Variants in CTTN observed in about 807,000 individuals in gnomAD.
CTTN encodes src substrate cortactin.
CTTN carries 28 observed loss-of-function variants against 84.0 expected under a neutral mutation model. That is an observed-to-expected ratio of 0.33 (90% CI 0.25 to 0.46). The LOEUF is 0.46. Among genes scored for constraint, CTTN ranks in the 20% least tolerant of loss-of-function variants. CTTN has a pLI of 1.00. For missense variants in CTTN, 641 were observed against 723.8 expected (o/e 0.89, Z 1.31); for synonymous variants, 301 against 288.8 (o/e 1.04, Z -0.43).
At chr11:70,406,477 A>G (rs953694869) in intron 2 of CTTN, among the ~76,000 whole-genome samples, 1 of 151,806 alleles carries the variant, frequency 6.6e-6, no homozygotes, top group Non-Finnish European at 1.5e-5. Flanking sequence ...TAATTGTATT[A>G]CTATTTCTGT....
rs2058405133 is a variant in CTTN at position 70,435,300 on chromosome 11, C to G, written c.*138C>G. Reference sequence around the variant, plus strand: ...TTTTGAAGGTGGGGAGGGGAATATACACATTGCTTTTATATTTAATACTTT... The same window carrying G: ...TTTTGAAGGTGGGGAGGGGAATATAGACATTGCTTTTATATTTAATACTTT... On this transcript the variant is annotated 3_prime_UTR_variant, in exon 18 of 18. Coordinates refer to ENST00000301843, the MANE Select transcript of CTTN (RefSeq NM_005231.4). 4.4e-6 allele frequency: 2 copies of G among 455,616 alleles called. No individual in the cohort carries two copies. Among genetic ancestry groups the G allele is most frequent in the South Asian group, 5.0e-5 (2 of 40,144 alleles). 28.2% of individuals were successfully genotyped at this position (455,616 alleles called of 1,614,324 possible).
chr11:70,428,381 G>A (rs779772363), intron 13 of CTTN, among the ~76,000 whole-genome samples: 6 of 151,802 alleles, frequency 4.0e-5, no homozygotes, highest in African/African-American at 1.2e-4. Context: ...GGCCAGGATG[G>A]TCTTGATCTC....
intron 5 of CTTN, among the ~76,000 whole-genome samples, chr11:70,412,468 G>C (rs76241088): frequency 2.6e-5 from 4 of 151,972 alleles, no homozygotes; most frequent in African/African-American, 4.8e-5. Context: ...AAGGGGAAAC[G>C]GCTTAAGTTA....
intron 8 of CTTN, among the ~76,000 whole-genome samples, chr11:70,417,717 A>C (rs1239435835): frequency 1.3e-5 from 2 of 151,972 alleles, no homozygotes; most frequent in Non-Finnish European, 2.9e-5. Flanking sequence ...GCTGGTCTTG[A>C]ATTCCTGACC....
rs190247483 is a variant in CTTN, at chr11:70,400,134, A to C, written c.-98+1520A>C. On this transcript the variant is annotated intron_variant, in intron 1 of 17. Coordinates refer to ENST00000301843, the MANE Select transcript of CTTN (RefSeq NM_005231.4). ...TTTTGATATTAGGTCCCCTAGAACT[A>C]GAAGCTAACCTTCTGCTATATCTTA... Among the ~76,000 whole-genome samples, 56 of 152,350 alleles carry C rather than the reference A, an allele frequency of 3.7e-4. 1 individual carries two copies. In the East Asian group the frequency reaches 0.011, roughly 29 times the overall value.
At position 70,429,113 on chromosome 11, in the gene CTTN, G is replaced by A. The variant is rs984775107; in HGVS notation, c.1090G>A (p.Glu364Lys). ...FENLAKEKEQEDRRKAEAERA... is the reference protein window; with the variant it reads ...FENLAKEKEQKDRRKAEAERA... Reference sequence around the variant, plus strand: ...AAACCTCGCTAAGGAGAAAGAGCAGGAGGACAGGCGGAAGGCGGAGGCGGA... The same window carrying A: ...AAACCTCGCTAAGGAGAAAGAGCAGAAGGACAGGCGGAAGGCGGAGGCGGA... The change falls in exon 14 of 18, where the codon GAG (glutamate) becomes AAG (lysine). Residue 364 changes from glutamate to lysine, a missense_variant. By Grantham distance (56) the Glu-to-Lys change is moderately conservative (BLOSUM62 1). Coordinates refer to ENST00000301843, the MANE Select transcript of CTTN (RefSeq NM_005231.4). The A allele has an allele frequency of 7.4e-6, 12 of 1,614,086 alleles. No homozygotes were observed. Among genetic ancestry groups the A allele is most frequent in the Non-Finnish European group, 1.0e-5 (12 of 1,180,046 alleles).
At chr11:70,403,346 G>C (rs1196606544) in intron 1 of CTTN, among the ~76,000 whole-genome samples, 1 of 151,574 alleles carries the variant, frequency 6.6e-6, no homozygotes, top group East Asian at 1.9e-4. Context: ...GCGTCACCAC[G>C]CCCTGTTAAT....
intron 11 of CTTN, 134 bp from the exon 12 acceptor site, chr11:70,422,806 C>T (rs769729671): frequency 2.1e-5 from 32 of 1,512,810 alleles, no homozygotes; most frequent in African/African-American, 2.8e-5. Context: ...AGTGAAGCCT[C>T]GCTTGGCCAT....
In CTTN at chr11:70,422,946, C is replaced by T. The variant is rs147676442; in HGVS notation, c.908C>T (p.Ser303Phe). 3 of 1,613,986 alleles carry T rather than the reference C, an allele frequency of 1.9e-6. No individual in the cohort carries two copies. Among genetic ancestry groups the T allele is most frequent in the East Asian group, 2.2e-5 (1 of 44,870 alleles). The change falls in exon 12 of 18, where the codon TCC (serine) becomes TTC (phenylalanine). Residue 303 changes from serine to phenylalanine, a missense_variant. By Grantham distance (155) the Ser-to-Phe change is radical. Transcript: ENST00000301843. ...GTGTTTTGCCACGTTTCAGACTACT[C>T]CAAAGGATTCGGCGGGAAGTATGGG... Reference protein sequence around the residue: ...LAKHESQQDYSKGFGGKYGVQ... With the variant: ...LAKHESQQDYFKGFGGKYGVQ...
At position 70,436,462 on chromosome 11, in the gene CTTN, T is replaced by C; in HGVS notation, c.*1300T>C. 1 of 1,521,608 alleles carries C rather than the reference T, an allele frequency of 6.6e-7. No homozygotes were observed. The highest frequency in any genetic ancestry group is 2.3e-5 in the East Asian group (1 of 44,286). The allele number at this position is 1,521,608 out of a possible 1,614,324, so 94.3% of individuals were successfully genotyped here. A position where few individuals can be genotyped will look rare whatever the true frequency, so the allele number is the denominator to read the frequency against. ...TCTCATCATCCTTGCTTTACCACAATGAGCAATGAGGTCGGGTTTTATATG... is the reference window on the plus strand; with the variant it reads ...TCTCATCATCCTTGCTTTACCACAACGAGCAATGAGGTCGGGTTTTATATG... On this transcript the variant is annotated 3_prime_UTR_variant, in exon 18 of 18. Coordinates refer to ENST00000301843, the MANE Select transcript of CTTN (RefSeq NM_005231.4).
intron 1 of CTTN, among the ~76,000 whole-genome samples, chr11:70,405,025 CAA>C (rs1003804451): frequency 2.0e-4 from 31 of 152,148 alleles, no homozygotes; most frequent in African/African-American, 7.5e-4. Context: ...ACAAAAAAGA[CAA>C]AAAGTCATCA....
intron 1 of CTTN, among the ~76,000 whole-genome samples, chr11:70,404,170 A>G (rs1300790470): frequency 1.3e-5 from 2 of 152,210 alleles, no homozygotes; most frequent in Non-Finnish European, 2.9e-5. Flanking sequence ...GATGGAGCAA[A>G]CAGTTGGGTC....
chr11:70,436,532 A>G lies in CTTN; in HGVS notation c.*1370A>G. On this transcript the variant is annotated 3_prime_UTR_variant, in exon 18 of 18. Coordinates refer to ENST00000301843, the MANE Select transcript of CTTN (RefSeq NM_005231.4). The stretch of plus-strand genomic sequence containing the variant: ...TCCTGTAGCACACCTCATAGGTATG[A>G]TTTTTTTAAATTAAAGAATTCAGAA... 1.3e-6 allele frequency: 1 copy of G among 790,026 alleles called. No homozygotes were observed. The highest frequency in any genetic ancestry group is 2.0e-6 in the Non-Finnish European group (1 of 496,100). The allele number at this position is 790,026 out of a possible 1,614,324, so 48.9% of individuals were successfully genotyped here. A position where few individuals can be genotyped will look rare whatever the true frequency, so the allele number is the denominator to read the frequency against.
intron 12 of CTTN, 60 bp from the exon 13 acceptor site, chr11:70,425,272 C>T: frequency 7.3e-7 from 1 of 1,378,018 alleles, no homozygotes; most frequent in Non-Finnish European, 1.0e-6. Context: ...GCAGGAGCTA[C>T]CACAGGGCAT....
chr11:70,427,543 C>A (rs1252286777), intron 13 of CTTN, among the ~76,000 whole-genome samples: 3 of 152,180 alleles, frequency 2.0e-5, no homozygotes, highest in Admixed American at 2.0e-4. Context: ...CCTAGGTAGG[C>A]GATTGGGAAA....
At chr11:70,402,077 T>C (rs759479796) in intron 1 of CTTN, among the ~76,000 whole-genome samples, 35 of 152,034 alleles carry the variant, frequency 2.3e-4, no homozygotes, top group Non-Finnish European at 4.3e-4. Flanking sequence ...CACTTGAACC[T>C]GGGAGACAGA....
chr11:70,412,155 C>T (rs887371432), intron 5 of CTTN, among the ~76,000 whole-genome samples: 2 of 152,140 alleles, frequency 1.3e-5, no homozygotes, highest in Non-Finnish European at 2.9e-5. Flanking sequence ...GGGCCAGGTA[C>T]GGGACTGGCA....
intron 1 of CTTN, among the ~76,000 whole-genome samples, chr11:70,404,479 A>G (rs2058021156): frequency 6.6e-6 from 1 of 152,228 alleles, no homozygotes. Context: ...TCCAGCTGCC[A>G]GTCTCATGTC....
intron 13 of CTTN, among the ~76,000 whole-genome samples, chr11:70,428,078 A>G (rs751533948): frequency 4.8e-5 from 7 of 146,412 alleles, no homozygotes; most frequent in Non-Finnish European, 7.5e-5. Context: ...TCATGGTTCT[A>G]TTCATGGTCC....
Sources: gnomAD v4.1 joint callset for allele counts (sites outside exome capture counted in the v4.1 genomes callset) on GRCh38, gnomAD v4.1.1 for gene constraint, MANE v1.5 for transcripts, NCBI Gene and HGNC (gene_info 2026-07-23, HGNC 2026-07-21) for gene names.